ELAVL2: variants seen among roughly 807,000 people sequenced by gnomAD.
ELAVL2 encodes the protein ELAV like RNA binding protein 2, also known as ELAV-like protein 2.
In ELAVL2, 4 loss-of-function variants were observed where a neutral mutation model predicts 34.6. The observed-to-expected ratio is 0.12, with a 90% CI of 0.06 to 0.26. The LOEUF is 0.26. Ranked by LOEUF, ELAVL2 falls within the 10% of genes least tolerant of loss-of-function variation. ELAVL2 has a pLI of 1.00. For synonymous variants in ELAVL2, 193 were observed against 154.8 expected, an observed-to-expected ratio of 1.25 and a Z score of -1.83; for missense variants, 432 against 442.8, an observed-to-expected ratio of 0.98 and a Z score of 0.22.
intron 1 of ELAVL2, among the ~76,000 whole-genome samples, chr9:23,787,128 C>T (rs1345347124): frequency 6.6e-6 from 1 of 152,098 alleles, no homozygotes; most frequent in African/African-American, 2.4e-5. Flanking sequence ...AAAAGGAAGA[C>T]AACATTGTTG....
upstream of ELAVL2, among the ~76,000 whole-genome samples, chr9:23,829,136 T>C (rs1052713180): frequency 2.0e-5 from 3 of 152,206 alleles, no homozygotes; most frequent in East Asian, 1.9e-4. Flanking sequence ...ATCTTCCAAG[T>C]TCCTGGCATT....
At chr9:23,704,367 T>TAA (rs1554665620) in intron 4 of ELAVL2, among the ~76,000 whole-genome samples, 53 of 152,196 alleles carry the variant, frequency 3.5e-4, no homozygotes, top group Non-Finnish European at 2.9e-5. Flanking sequence ...TAATGAACAT[T>TAA]TTAGTCTTCC....
At chr9:23,739,785 G>GCACA (rs142111539) in intron 2 of ELAVL2, among the ~76,000 whole-genome samples, 5 of 151,500 alleles carry the variant, frequency 3.3e-5, no homozygotes, top group Non-Finnish European at 5.9e-5. Context: ...GCCTGTGCCT[G>GCACA]CACACACACA....
chr9:23,700,770 A>T (rs1261851537), intron 5 of ELAVL2, among the ~76,000 whole-genome samples: 2 of 152,174 alleles, frequency 1.3e-5, no homozygotes, highest in Admixed American at 1.3e-4. Context: ...CATTTGTAGA[A>T]ACTTCACGTA....
intron 1 of ELAVL2, among the ~76,000 whole-genome samples, chr9:23,770,571 T>C (rs545954346): frequency 6.6e-6 from 1 of 152,146 alleles, no homozygotes; most frequent in Non-Finnish European, 1.5e-5. Context: ...GTCAGGGTGA[T>C]GAAGCATGAG....
intron 5 of ELAVL2, among the ~76,000 whole-genome samples, chr9:23,699,026 A>G (rs1422428878): frequency 6.6e-6 from 1 of 152,254 alleles, no homozygotes; most frequent in East Asian, 1.9e-4. Context: ...TTCCCTTACA[A>G]CTGACAATCT....
At chr9:23,824,858 G>A (rs1169164990) in intron 1 of ELAVL2, among the ~76,000 whole-genome samples, 1 of 152,190 alleles carries the variant, frequency 6.6e-6, no homozygotes, top group Non-Finnish European at 1.5e-5. Context: ...GCGGTAAGGA[G>A]GGGGTGAGGG....
At chr9:23,740,646 A>C (rs1375827091) in intron 2 of ELAVL2, among the ~76,000 whole-genome samples, 1 of 152,222 alleles carries the variant, frequency 6.6e-6, no homozygotes, top group Non-Finnish European at 1.5e-5. Flanking sequence ...CTATCTGTGA[A>C]AGAAAAAAAA....
chr9:23,777,864 TTACAA>T (rs1291216892), intron 1 of ELAVL2, among the ~76,000 whole-genome samples: 1 of 152,158 alleles, frequency 6.6e-6, no homozygotes, highest in Non-Finnish European at 1.5e-5. Context: ...GCCTCCTACA[TTACAA>T]ATAACCAAAA....
At chr9:23,714,752 T>G (rs1436410210) in intron 3 of ELAVL2, among the ~76,000 whole-genome samples, 1 of 152,160 alleles carries the variant, frequency 6.6e-6, no homozygotes, top group Non-Finnish European at 1.5e-5. Context: ...ATGTGAAATG[T>G]GTTACAAGCT....
intron 3 of ELAVL2, among the ~76,000 whole-genome samples, chr9:23,705,467 A>G (rs1453543889): frequency 2.6e-5 from 4 of 152,204 alleles, no homozygotes; most frequent in Non-Finnish European, 5.9e-5. Flanking sequence ...GTTTTAATTC[A>G]CTAAAATTTA....
At chr9:23,744,241 T>C (rs2049969141) in intron 2 of ELAVL2, among the ~76,000 whole-genome samples, 1 of 152,196 alleles carries the variant, frequency 6.6e-6, no homozygotes. Context: ...GATGTGCGTG[T>C]TAGAATCACT....
At chr9:23,811,344 A>AC (rs2062969089) in intron 1 of ELAVL2, among the ~76,000 whole-genome samples, 1 of 151,460 alleles carries the variant, frequency 6.6e-6, no homozygotes, top group Non-Finnish European at 1.5e-5. Context: ...AAAAAAAAAA[A>AC]CCCACGAAAC....
intron 1 of ELAVL2, among the ~76,000 whole-genome samples, chr9:23,778,495 C>G (rs2058577290): frequency 6.6e-6 from 1 of 152,168 alleles, no homozygotes; most frequent in African/African-American, 2.4e-5. Flanking sequence ...AGTCCATATT[C>G]CCAGAGCTAC....
Position 23,780,263 on chromosome 9 carries a change from A to G in ELAVL2, c.-15-18014T>C, listed in dbSNP as rs374346435. Among the ~76,000 whole-genome samples the G allele has an allele frequency of 2.6e-5, 4 of 152,206 alleles. No individual in the cohort carries two copies. In the South Asian group the frequency reaches 6.2e-4, roughly 24 times the overall value. On this transcript the variant is annotated intron_variant, in intron 1 of 6. Transcript: ENST00000397312. The stretch of plus-strand genomic sequence containing the variant: ...TTCCTAATCTCATGCATGAGATTCA[A>G]AAATAAGAAAGCAGTCTAACAACAG...
chr9:23,803,994 A>T (rs1013011185), intron 1 of ELAVL2, among the ~76,000 whole-genome samples: 1 of 152,162 alleles, frequency 6.6e-6, no homozygotes, highest in East Asian at 1.9e-4. Context: ...GAATGCTAAC[A>T]AACAGCTCAT....
intron 1 of ELAVL2, among the ~76,000 whole-genome samples, chr9:23,804,634 T>C (rs2061988472): frequency 6.6e-6 from 1 of 152,190 alleles, no homozygotes; most frequent in Admixed American, 6.6e-5. Context: ...TGCTGGTTTG[T>C]AGTCTATTTG....
At chr9:23,713,066 A>C (rs903757430) in intron 3 of ELAVL2, among the ~76,000 whole-genome samples, 3 of 152,170 alleles carry the variant, frequency 2.0e-5, no homozygotes, top group Non-Finnish European at 4.4e-5. Context: ...CATGTGTATC[A>C]AAGAGGGTCT....
intron 2 of ELAVL2, among the ~76,000 whole-genome samples, chr9:23,740,356 C>T (rs890635161): frequency 1.3e-5 from 2 of 152,056 alleles, no homozygotes; most frequent in African/African-American, 4.8e-5. Context: ...TTCAAAGATG[C>T]TAAGTTAACT....
Sources: gnomAD v4.1 joint callset for allele counts (sites outside exome capture counted in the v4.1 genomes callset) on GRCh38, gnomAD v4.1.1 for gene constraint, MANE v1.5 for transcripts, NCBI Gene and HGNC (gene_info 2026-07-23, HGNC 2026-07-21) for gene names.